SLC12A8: variants seen among roughly 807,000 people sequenced by gnomAD.
The protein encoded by SLC12A8 is cation-chloride cotransporter 9.
In SLC12A8, 69 loss-of-function variants were observed where a neutral mutation model predicts 75.6. The observed-to-expected ratio is 0.91, with a 90% CI of 0.75 to 1.11. The LOEUF is 1.11. SLC12A8 is among the 50% of genes most tolerant of loss of function. The probability of loss-of-function intolerance (pLI) is 0.00; values close to 1 mark genes in which losing one functional copy is unlikely to be tolerated. For missense variants in SLC12A8, 877 were observed against 896.7 expected, an observed-to-expected ratio of 0.98 and a Z score of 0.28; for synonymous variants, 365 against 372.8, an observed-to-expected ratio of 0.98 and a Z score of 0.24.
chr3:125,108,242 G>C (rs776187105), intron 9 of SLC12A8, 116 bp from the exon 10 acceptor site: 11 of 1,011,572 alleles, frequency 1.1e-5, no homozygotes, highest in Non-Finnish European at 1.1e-5. Flanking sequence ...TTCTCCCCAT[G>C]TGATTATTCA....
intron 2 of SLC12A8, among the ~76,000 whole-genome samples, chr3:125,204,502 C>G (rs970699103): frequency 6.6e-6 from 1 of 152,108 alleles, no homozygotes; most frequent in Non-Finnish European, 1.5e-5. Flanking sequence ...ATCACATGTT[C>G]TTATCCATAT....
chr3:125,163,389 C>T (rs1190269392), intron 5 of SLC12A8, among the ~76,000 whole-genome samples: 2 of 151,808 alleles, frequency 1.3e-5, no homozygotes, highest in Non-Finnish European at 2.9e-5. Flanking sequence ...GGACGGATCA[C>T]GAGGTCGGGA....
At position 125,105,634 on chromosome 3, in the gene SLC12A8, A is replaced by T. The variant is rs186673947; in HGVS notation, c.1705+1847T>A. ...TATGGCTCAGAACTGAGCAATATTTACTTAGTCATGATAACAAGAATACTA... is the reference window on the plus strand; with the variant it reads ...TATGGCTCAGAACTGAGCAATATTTTCTTAGTCATGATAACAAGAATACTA... On this transcript the variant is annotated intron_variant, in intron 10 of 13. Coordinates refer to ENST00000469902, the MANE Select transcript of SLC12A8 (RefSeq NM_024628.6). Among the ~76,000 whole-genome samples, 4 of 152,356 alleles carry T rather than the reference A, an allele frequency of 2.6e-5. No homozygotes were observed. The East Asian group carries it at 7.7e-4, about 29-fold the overall frequency.
chr3:125,152,145 G>T (rs537538393), intron 5 of SLC12A8, among the ~76,000 whole-genome samples: 40 of 152,318 alleles, frequency 2.6e-4, no homozygotes, highest in Non-Finnish European at 4.4e-4. Context: ...AAAACTGGCT[G>T]CCACCCACAG....
At chr3:125,117,627 A>C (rs1939345650) in intron 8 of SLC12A8, among the ~76,000 whole-genome samples, 1 of 152,060 alleles carries the variant, frequency 6.6e-6, no homozygotes, top group Non-Finnish European at 1.5e-5. Flanking sequence ...TTAAAATTTA[A>C]AATACATAAA....
Position 125,187,274 on chromosome 3 carries a change from G to C in SLC12A8, c.353C>G (p.Thr118Arg). ...SMISSVLGGQ[T>R]GGTIGLLYVF... ...ATAGAGCAGCCCGATGGTGCCTCCC[G>C]TCTGCCCACCCAGGACCGAGGAGAT... The change falls in exon 4 of 14, where the codon ACG becomes AGG. Residue 118 changes from threonine to arginine, a missense_variant. Thr to Arg is a moderately conservative substitution (Grantham distance 71, BLOSUM62 -1). Coordinates refer to ENST00000469902, the MANE Select transcript of SLC12A8 (RefSeq NM_024628.6). The C allele has an allele frequency of 6.2e-7, 1 of 1,614,162 alleles. No individual in the cohort carries two copies. The highest frequency in any genetic ancestry group is 8.5e-7 in the Non-Finnish European group (1 of 1,180,028).
At chr3:125,141,855 C>T (rs1028968396) in intron 5 of SLC12A8, among the ~76,000 whole-genome samples, 16 of 151,524 alleles carry the variant, frequency 1.1e-4, no homozygotes, top group East Asian at 5.9e-4. Flanking sequence ...AGGAAGGGCT[C>T]CGGACGGAGC....
At chr3:125,164,153 C>A (rs551988939) in intron 5 of SLC12A8, among the ~76,000 whole-genome samples, 1 of 152,126 alleles carries the variant, frequency 6.6e-6, no homozygotes, top group East Asian at 1.9e-4. Context: ...CCCCTTGATC[C>A]GAAAGGAGAA....
At chr3:125,111,448 C>T (rs1939184991) in intron 8 of SLC12A8, among the ~76,000 whole-genome samples, 1 of 152,214 alleles carries the variant, frequency 6.6e-6, no homozygotes, top group African/African-American at 2.4e-5. Context: ...CCTCCTGGGC[C>T]AGATCTCATC....
intron 5 of SLC12A8, among the ~76,000 whole-genome samples, chr3:125,146,891 C>T (rs368052404): frequency 1.1e-4 from 17 of 152,212 alleles, no homozygotes; most frequent in Non-Finnish European, 2.1e-4. Context: ...CCTTCCTCCA[C>T]GAGAAGCAGG....
intron 4 of SLC12A8, among the ~76,000 whole-genome samples, chr3:125,186,188 G>C (rs1026968505): frequency 6.6e-6 from 1 of 151,758 alleles, no homozygotes; most frequent in Non-Finnish European, 1.5e-5. Context: ...AAGTCCCCAG[G>C]GTAATAAAGT....
intron 5 of SLC12A8, among the ~76,000 whole-genome samples, chr3:125,151,746 T>C (rs1933930638): frequency 6.6e-6 from 1 of 152,268 alleles, no homozygotes; most frequent in African/African-American, 2.4e-5. Context: ...GTATTTATAG[T>C]AGTTGCTCAT....
chr3:125,099,818 C>T (rs752248889), intron 10 of SLC12A8, among the ~76,000 whole-genome samples: 1 of 152,108 alleles, frequency 6.6e-6, no homozygotes, highest in Admixed American at 6.5e-5. Flanking sequence ...ATCCCAGCTA[C>T]TCAGGAGGCT....
chr3:125,105,006 C>A (rs1938988944), intron 10 of SLC12A8, among the ~76,000 whole-genome samples: 1 of 152,010 alleles, frequency 6.6e-6, no homozygotes, highest in Non-Finnish European at 1.5e-5. Context: ...TAGATGAAGT[C>A]ACTATTATTT....
chr3:125,186,042 C>A (rs1029328814), intron 4 of SLC12A8, among the ~76,000 whole-genome samples: 1 of 152,194 alleles, frequency 6.6e-6, no homozygotes, highest in Non-Finnish European at 1.5e-5. Flanking sequence ...CACACCAGTG[C>A]CCATCCATGG....
intron 3 of SLC12A8, among the ~76,000 whole-genome samples, chr3:125,189,653 C>T (rs537283106): frequency 6.3e-4 from 96 of 152,320 alleles, no homozygotes; most frequent in African/African-American, 2.1e-3. Context: ...TAGTGCTTGG[C>T]CCACAGCAGG....
In SLC12A8 at chr3:125,177,729, T is replaced by C; in HGVS notation, c.622+14A>G. Reference sequence around the variant, plus strand: ...AGATCCATAAGGCCACATACTGGACTCTGAAAGGCTTACCTGGGTCCAGGT... The same window carrying C: ...AGATCCATAAGGCCACATACTGGACCCTGAAAGGCTTACCTGGGTCCAGGT... On this transcript the variant is annotated intron_variant, in intron 5 of 13. Coordinates refer to ENST00000469902, the MANE Select transcript of SLC12A8 (RefSeq NM_024628.6). 6.2e-7 allele frequency: 1 copy of C among 1,607,612 alleles called. No individual in the cohort carries two copies. Among genetic ancestry groups the C allele is most frequent in the Non-Finnish European group, 8.5e-7 (1 of 1,174,372 alleles).
rs371999573 is a variant in SLC12A8, at chr3:125,187,345, G to A, written c.282C>T (p.Gly94=). The A allele has an allele frequency of 5.1e-5, 82 of 1,614,142 alleles. No homozygotes were observed. In the Middle Eastern group the frequency reaches 1.3e-3, roughly 26 times the overall value. ...TGCCGATGCTGCTGCGCTCCCCGAC[G>A]CCAATGCCAGACAGCACCGTGACGA... is the stretch of plus-strand genomic sequence containing the variant. ...VALVTVLSGI[G]VGERSSIGSG... Residue 94 remains glycine (G), a synonymous_variant, in exon 4 of 14, where the codon GGC becomes GGT. Transcript: ENST00000469902.
intron 2 of SLC12A8, among the ~76,000 whole-genome samples, chr3:125,199,067 CAT>C (rs1935069363): frequency 2.0e-5 from 3 of 152,116 alleles, no homozygotes. Flanking sequence ...CGTGAGCCAC[CAT>C]GCCCGGCTGA....
Sources: gnomAD v4.1 joint callset for allele counts (sites outside exome capture counted in the v4.1 genomes callset) on GRCh38, gnomAD v4.1.1 for gene constraint, MANE v1.5 for transcripts, NCBI Gene and HGNC (gene_info 2026-07-23, HGNC 2026-07-21) for gene names.